TMEM218: variants seen among roughly 807,000 people sequenced by gnomAD.
TMEM218 encodes the protein transmembrane protein 218.
Under a neutral mutation model 10.0 loss-of-function variants are expected in TMEM218, and 8 were observed. The ratio of observed to expected loss-of-function variants is 0.80; its 90% CI spans 0.47 to 1.44. The LOEUF is 1.44. TMEM218 is among the 40% of genes most tolerant of loss of function. The pLI is 0.00. For synonymous variants in TMEM218, 66 were observed against 63.5 expected (o/e 1.04, Z -0.18); for missense variants, 110 against 140.1 (o/e 0.79, Z 1.08).
intron 1 of TMEM218, chr11:125,104,878 G>C (rs948057285): frequency 6.6e-6 from 1 of 152,176 alleles, no homozygotes; most frequent in Admixed American, 6.5e-5. Flanking sequence ...AGCAGAGCTC[G>C]AAAGCAATAA....
At position 125,094,826 on chromosome 11, in the gene TMEM218, GA is replaced by G. The variant is rs1340551054; in HGVS notation, c.*2779del. Among the ~76,000 whole-genome samples the G allele has an allele frequency of 6.6e-6, 1 of 152,178 alleles. No homozygotes were observed. The highest frequency in any genetic ancestry group is 1.5e-5 in the Non-Finnish European group (1 of 68,028). ...TGCCCTCCTTCCAGGAAGCAGTGAG[GA>G]AGACAGTCTAGACACCTTACAGCCT... On this transcript the variant is annotated 3_prime_UTR_variant, in exon 5 of 5. Transcript: ENST00000682305.
chr11:125,107,356 G>A (rs149139408), intron 1 of TMEM218, among the ~76,000 whole-genome samples: 40 of 152,258 alleles, frequency 2.6e-4, no homozygotes, highest in African/African-American at 9.4e-4. Flanking sequence ...AATGTTTACA[G>A]AAAGAATATT....
At chr11:125,110,292 T>G (rs550886460) in intron 1 of TMEM218, among the ~76,000 whole-genome samples, 5 of 152,320 alleles carry the variant, frequency 3.3e-5, no homozygotes, top group African/African-American at 9.6e-5. Flanking sequence ...TCCATTTACT[T>G]AATATCTGTG....
rs1038421958 is a variant in TMEM218, at chr11:125,096,007, C to T, written c.*1599G>A. 2.6e-5 allele frequency among the ~76,000 whole-genome samples: 4 copies of T among 152,206 alleles called. No homozygotes were observed. The highest frequency in any genetic ancestry group is 7.2e-5 in the African/African-American group (3 of 41,444). On this transcript the variant is annotated 3_prime_UTR_variant, in exon 5 of 5. Transcript: ENST00000682305. ...GAGGCCCCCAGCTTGTCTCAATTCC[C>T]TCAAGACTTATGCATTCTTTTTTCT...
At position 125,094,565 on chromosome 11, in the gene TMEM218, T is replaced by C. The variant is rs1413928082; in HGVS notation, c.*3041A>G. On this transcript the variant is annotated 3_prime_UTR_variant, in exon 5 of 5. Transcript: ENST00000682305. ...AGATGTCAGGAATCCTGATGTCAAGTTGGAGCCCCACTTCTAATTAACTGT... is the reference window on the plus strand; with the variant it reads ...AGATGTCAGGAATCCTGATGTCAAGCTGGAGCCCCACTTCTAATTAACTGT... 6.6e-6 allele frequency among the ~76,000 whole-genome samples: 1 copy of C among 152,240 alleles called. No homozygotes were observed. The highest frequency in any genetic ancestry group is 1.5e-5 in the Non-Finnish European group (1 of 68,032).
rs1949705919 is a variant in TMEM218 at position 125,096,832 on chromosome 11, G to C, written c.*774C>G. 1 of 152,104 alleles carries C rather than the reference G, an allele frequency of 6.6e-6. No individual in the cohort carries two copies. Among genetic ancestry groups the C allele is most frequent in the African/African-American group, 2.4e-5 (1 of 41,390 alleles). The allele number at this position is 152,104 out of a possible 1,614,324, so 9.4% of individuals were successfully genotyped here. On this transcript the variant is annotated 3_prime_UTR_variant, in exon 5 of 5. Transcript: ENST00000682305. The stretch of plus-strand genomic sequence containing the variant: ...GGAGAAAGGGCTACAAAGATGAAAA[G>C]TGAAGACACCCCAAAATGGACTCAT...
In TMEM218 at chr11:125,096,067, T is replaced by C. The variant is rs1176011985; in HGVS notation, c.*1539A>G. Among the ~76,000 whole-genome samples, 1 of 152,208 alleles carries C rather than the reference T, an allele frequency of 6.6e-6. No homozygotes were observed. The highest frequency in any genetic ancestry group is 1.5e-5 in the Non-Finnish European group (1 of 68,028). On this transcript the variant is annotated 3_prime_UTR_variant, in exon 5 of 5. Coordinates refer to ENST00000682305, the MANE Select transcript of TMEM218 (RefSeq NM_001258244.2). ...TCTGCTTAGAGGATGTTTCTTCTTT[T>C]CTTACCTGTGTGCCCTAGGCCAGAT... is the stretch of plus-strand genomic sequence containing the variant.
In TMEM218 at chr11:125,095,280, A is replaced by G. The variant is rs145042263; in HGVS notation, c.*2326T>C. On this transcript the variant is annotated 3_prime_UTR_variant, in exon 5 of 5. Transcript: ENST00000682305. ...CTCTGGGTAGGGAACAGTAGAGGGA[A>G]CATGTTCTAAGGCCACTGATCACAG... Among the ~76,000 whole-genome samples, 136 of 152,302 alleles carry G rather than the reference A, an allele frequency of 8.9e-4. 1 individual carries two copies. Among genetic ancestry groups the G allele is most frequent in the African/African-American group, 3.2e-3 (132 of 41,562 alleles).
Position 125,109,000 on chromosome 11 carries a change from C to G in TMEM218, c.-153+2539G>C, listed in dbSNP as rs375063269. 1.1e-4 allele frequency among the ~76,000 whole-genome samples: 17 copies of G among 152,174 alleles called. No homozygotes were observed. The highest frequency in any genetic ancestry group is 4.1e-4 in the African/African-American group (17 of 41,436). ...GCAGCAACATCTTCTTGGGGAACCA[C>G]TGTTCTAGACACAGTCTTGCATAAA... On this transcript the variant is annotated intron_variant, in intron 1 of 4. Transcript: ENST00000682305. The surrounding 1 kb of genome is among the most constrained non-coding windows in gnomAD (Gnocchi z 5.3).
chr11:125,106,799 A>C (rs11219903), intron 1 of TMEM218, among the ~76,000 whole-genome samples: 19,558 of 152,214 alleles, frequency 0.13, 1,637 homozygotes, highest in Non-Finnish European at 0.18. Flanking sequence ...GCTAAATATA[A>C]ATGCATCCTA....
intron 2 of TMEM218, 183 bp from the exon 3 acceptor site, chr11:125,102,500 T>C: frequency 6.8e-7 from 1 of 1,460,162 alleles, no homozygotes; most frequent in Non-Finnish European, 9.0e-7. Context: ...TGGTGGGGAC[T>C]GAGAGGGTGT....
chr11:125,104,331 T>C (rs982286918), intron 1 of TMEM218: 2 of 152,264 alleles, frequency 1.3e-5, no homozygotes, highest in Admixed American at 6.5e-5. Flanking sequence ...TTGTACTTGC[T>C]GTTTCCACTG....
intron 1 of TMEM218, chr11:125,110,787 T>A (rs1028341681): frequency 2.9e-5 from 4 of 138,776 alleles, no homozygotes; most frequent in African/African-American, 1.1e-4. Context: ...AGGAGTGAAG[T>A]GCTCCTCTGG....
chr11:125,110,897 C>A (rs974701709), intron 1 of TMEM218, among the ~76,000 whole-genome samples: 1 of 140,424 alleles, frequency 7.1e-6, no homozygotes, highest in Non-Finnish European at 1.5e-5. Context: ...ACTTTAAACA[C>A]TTCACTATCT....
intron 2 of TMEM218, 133 bp downstream of exon 2, chr11:125,102,601 G>A: frequency 7.6e-7 from 1 of 1,316,608 alleles, no homozygotes; most frequent in Non-Finnish European, 9.9e-7. Context: ...CAGCCCACGG[G>A]AGAAAGCTGA....
chr11:125,101,692 C>T (rs1389555079), intron 3 of TMEM218: 4 of 556,226 alleles, frequency 7.2e-6, no homozygotes, highest in Non-Finnish European at 1.2e-5. Flanking sequence ...GAGTGCAACT[C>T]TAGTGTTTTC....
In TMEM218 at chr11:125,096,766, G is replaced by C. The variant is rs1024736659; in HGVS notation, c.*840C>G. 2 of 152,094 alleles carry C rather than the reference G, an allele frequency of 1.3e-5. No homozygotes were observed. The highest frequency in any genetic ancestry group is 4.8e-5 in the African/African-American group (2 of 41,390). 9.4% of individuals were successfully genotyped at this position (152,094 alleles called of 1,614,324 possible). On this transcript the variant is annotated 3_prime_UTR_variant, in exon 5 of 5. Transcript: ENST00000682305. ...GTCTGGGAGATCAGACAGGTATAGA[G>C]TTATATCTGATGTTGAGAATATACC...
rs1220709904 is a variant in TMEM218 at position 125,102,149 on chromosome 11, T to C, written c.93A>G (p.Arg31=). The change falls in exon 3 of 5, where the codon AGA becomes AGG. Residue 31 remains arginine (R), a synonymous_variant. Transcript: ENST00000682305. ...AVLLLCVLLS[R]ASGAARFSVI... is the part of the protein sequence containing the mutation. ...TGCCTTACCTCGCCGCCCCGGAGGCTCTGGACAGCAGCACACACAGCAGCA... is the reference window on the plus strand; with the variant it reads ...TGCCTTACCTCGCCGCCCCGGAGGCCCTGGACAGCAGCACACACAGCAGCA... The C allele has an allele frequency of 1.9e-6, 3 of 1,586,702 alleles. No individual in the cohort carries two copies. Among genetic ancestry groups the C allele is most frequent in the Non-Finnish European group, 2.6e-6 (3 of 1,169,150 alleles).
chr11:125,101,071 T>C lies in TMEM218; in HGVS notation c.213+130A>G, dbSNP rs774457610. 4.9e-5 allele frequency: 33 copies of C among 670,862 alleles called. 1 individual carries two copies. The highest frequency in any genetic ancestry group is 8.4e-5 in the South Asian group (4 of 47,554). The allele number at this position is 670,862 out of a possible 1,614,324, so 41.6% of individuals were successfully genotyped here. On this transcript the variant is annotated intron_variant, in intron 4 of 4. Coordinates refer to ENST00000682305, the MANE Select transcript of TMEM218 (RefSeq NM_001258244.2). ...AACTCCCTCTGAACTTTCCCCGTCA[T>C]TGGTTGAACTTTACAATTCTGACAT...
Sources: allele counts gnomAD v4.1 joint callset (sites outside exome capture counted in the v4.1 genomes callset), GRCh38; gene constraint gnomAD v4.1.1; non-coding constraint Gnocchi (gnomAD v3.1); transcripts MANE v1.5; gene names NCBI Gene and HGNC (gene_info 2026-07-23, HGNC 2026-07-21).